The following CCDC33 variants were observed in gnomAD, a reference collection of about 807,000 sequenced individuals.
The protein encoded by CCDC33 is coiled-coil domain-containing protein 33.
CCDC33 carries 94 observed loss-of-function variants against 91.9 expected under a neutral mutation model. That is an observed-to-expected ratio of 1.02 (90% CI 0.87 to 1.21). The LOEUF is 1.21. CCDC33 is among the 50% of genes most tolerant of loss of function. The pLI, the probability that CCDC33 is intolerant of heterozygous loss-of-function variation, is 0.00. For synonymous variants in CCDC33, 396 were observed against 374.5 expected (o/e 1.06, Z -0.66); for missense variants, 940 against 935.5 (o/e 1.00, Z -0.06).
chr15:74,325,941 C>T (rs1008251271), intron 11 of CCDC33, among the ~76,000 whole-genome samples: 2 of 152,164 alleles, frequency 1.3e-5, no homozygotes, highest in Admixed American at 6.5e-5. Context: ...CCTCCTCCTT[C>T]GTGGGAACTG....
chr15:74,271,854 T>A, intron 6 of CCDC33, 60 bp downstream of exon 6: 1 of 1,438,164 alleles, frequency 7.0e-7, no homozygotes, highest in Non-Finnish European at 9.7e-7. Flanking sequence ...GAGGAGGGGG[T>A]GAGGCTGTCA....
chr15:74,240,680 C>A (rs1595919708), intron 1 of CCDC33, among the ~76,000 whole-genome samples: 1 of 152,152 alleles, frequency 6.6e-6, no homozygotes, highest in Admixed American at 6.5e-5. Flanking sequence ...GCAACCTCCG[C>A]CTCCTAGGTT....
At chr15:74,327,561 G>A (rs1298540075) in intron 11 of CCDC33, among the ~76,000 whole-genome samples, 1 of 152,182 alleles carries the variant, frequency 6.6e-6, no homozygotes, top group Non-Finnish European at 1.5e-5. Context: ...CTTGAACCTG[G>A]GAGGCAGAGT....
chr15:74,271,575 G>A (rs1595993689), intron 5 of CCDC33, 128 bp from the exon 6 acceptor site: 17 of 653,248 alleles, frequency 2.6e-5, no homozygotes, highest in Non-Finnish European at 3.1e-5. Flanking sequence ...GGGAGAAGCA[G>A]GTGTCAAGTG....
intron 11 of CCDC33, among the ~76,000 whole-genome samples, chr15:74,312,812 G>GTCTTCA (rs1255793588): frequency 6.6e-6 from 1 of 152,070 alleles, no homozygotes; most frequent in East Asian, 1.9e-4. Context: ...GCAAGGCCAA[G>GTCTTCA]TCTTCATCTT....
chr15:74,227,940 C>T (rs2074851582), intron 2 of CCDC33, among the ~76,000 whole-genome samples: 1 of 152,100 alleles, frequency 6.6e-6, no homozygotes, highest in Admixed American at 6.5e-5. Flanking sequence ...ACTTCCAGAA[C>T]ACAGGCAGCC....
intron 2 of CCDC33, among the ~76,000 whole-genome samples, chr15:74,260,936 C>T (rs908878952): frequency 2.6e-5 from 4 of 152,236 alleles, no homozygotes; most frequent in Admixed American, 2.6e-4. Context: ...AGGCACTACA[C>T]ATATTCATTC....
At chr15:74,255,219 C>T (rs2075825162) in intron 2 of CCDC33, among the ~76,000 whole-genome samples, 1 of 152,074 alleles carries the variant, frequency 6.6e-6, no homozygotes, top group African/African-American at 2.4e-5. Context: ...CTCATCCTCC[C>T]TCCTTCTCGA....
intron 10 of CCDC33, among the ~76,000 whole-genome samples, chr15:74,288,560 C>T (rs2059523178): frequency 6.6e-6 from 1 of 152,202 alleles, no homozygotes; most frequent in Non-Finnish European, 1.5e-5. Flanking sequence ...GAGCCAGAGT[C>T]CAACTCTGGC....
intron 10 of CCDC33, among the ~76,000 whole-genome samples, chr15:74,294,589 T>C (rs898095253): frequency 4.0e-5 from 6 of 151,644 alleles, no homozygotes; most frequent in African/African-American, 1.5e-4. Context: ...CTACTAAAAA[T>C]ACACAAAATT....
At position 74,219,125 on chromosome 15, in the gene CCDC33, T is replaced by C. The variant is rs138074481; in HGVS notation, c.675+264T>C. 7.1e-3 allele frequency among the ~76,000 whole-genome samples: 1,078 copies of C among 152,318 alleles called. 15 individuals are homozygous for C. The highest frequency in any genetic ancestry group is 0.025 in the African/African-American group (1,047 of 41,576). On this transcript the variant is annotated intron_variant, in intron 2 of 2. Transcript: ENST00000635913. Reference sequence around the variant, plus strand: ...GGGTTTCTTTTGCCCTGTGGGTTAGTGTCCCCTGAGACCCTTCAGTTCCCA... The same window carrying C: ...GGGTTTCTTTTGCCCTGTGGGTTAGCGTCCCCTGAGACCCTTCAGTTCCCA...
chr15:74,212,634 A>G (rs2074378855), upstream of CCDC33: 1 of 152,152 alleles, frequency 6.6e-6, no homozygotes, highest in Admixed American at 6.5e-5. Context: ...CGAGGCTTCT[A>G]ATTTTGTTTT....
chr15:74,333,814 G>A, intron 16 of CCDC33, 67 bp from the exon 17 acceptor site: 1 of 1,350,298 alleles, frequency 7.4e-7, no homozygotes, highest in Admixed American at 1.7e-5. Context: ...ATACCTTATG[G>A]TTTCCCAAGC....
At chr15:74,266,871 G>A (rs2076179810) in intron 4 of CCDC33, 84 bp downstream of exon 4, 3 of 1,012,156 alleles carry the variant, frequency 3.0e-6, no homozygotes, top group Non-Finnish European at 4.7e-6. Context: ...GAGCAGCCCT[G>A]AGCATCCCAC....
chr15:74,333,353 G>T, intron 16 of CCDC33: 1 of 1,516,526 alleles, frequency 6.6e-7, no homozygotes. Flanking sequence ...AAATGCCCAG[G>T]CCCTGCTCCA....
At position 74,244,289 on chromosome 15, in the gene CCDC33, T is replaced by C; in HGVS notation, c.185+141T>C. 2 of 1,095,338 alleles carry C rather than the reference T, an allele frequency of 1.8e-6. No homozygotes were observed. The highest frequency in any genetic ancestry group is 3.7e-5 in the South Asian group (2 of 54,752). 67.9% of individuals were successfully genotyped at this position (1,095,338 alleles called of 1,614,324 possible). ...AGAGGGGAGGAGCTGCTGTGGGCAC[T>C]ACCTGGCATCTCCGCTGCTGCATGG... On this transcript the variant is annotated intron_variant, in intron 2 of 18. Transcript: ENST00000398814. The surrounding 1 kb of genome is among the most constrained non-coding windows in gnomAD (Gnocchi z 4.2).
chr15:74,230,523 C>T (rs571993849), intron 2 of CCDC33, among the ~76,000 whole-genome samples: 22 of 152,272 alleles, frequency 1.4e-4, no homozygotes, highest in African/African-American at 5.1e-4. Flanking sequence ...GCTGGGCCGC[C>T]CCAAATGAGA....
chr15:74,263,518 C>A (rs2076083494), intron 3 of CCDC33, among the ~76,000 whole-genome samples: 1 of 152,174 alleles, frequency 6.6e-6, no homozygotes, highest in South Asian at 2.1e-4. Flanking sequence ...GGAAGGGGAG[C>A]CTCCGTAAAA....
At chr15:74,308,833 A>G (rs951077340) in intron 11 of CCDC33, among the ~76,000 whole-genome samples, 4 of 152,302 alleles carry the variant, frequency 2.6e-5, no homozygotes, top group Non-Finnish European at 5.9e-5. Flanking sequence ...GGACCCTCTC[A>G]GAGGACTAGT....
Sources: gnomAD v4.1 joint callset for allele counts (sites outside exome capture counted in the v4.1 genomes callset) on GRCh38, gnomAD v4.1.1 for gene constraint, Gnocchi (gnomAD v3.1) non-coding constraint, MANE v1.5 for transcripts, NCBI Gene and HGNC (gene_info 2026-07-23, HGNC 2026-07-21) for gene names.